Variants in MAMSTR observed in about 807,000 individuals in gnomAD.
MAMSTR encodes the protein MEF2-activating motif and SAP domain-containing transcriptional regulator.
Under a neutral mutation model 42.7 loss-of-function variants are expected in MAMSTR, and 41 were observed. The ratio of observed to expected loss-of-function variants is 0.96; its 90% CI spans 0.75 to 1.25. The LOEUF is 1.25. MAMSTR is among the 50% of genes most tolerant of loss of function. MAMSTR has a pLI of 0.00. For missense variants in MAMSTR, 567 were observed against 557.6 expected (o/e 1.02, Z -0.17); for synonymous variants, 265 against 244.1 (o/e 1.09, Z -0.80).
chr19:48,714,200 CT>C, intron 7 of MAMSTR, among the ~76,000 whole-genome samples, 155 bp from the exon 8 acceptor site: 1 of 152,194 alleles, frequency 6.6e-6, no homozygotes, highest in Middle Eastern at 3.2e-3. Flanking sequence ...GGCTCCTCTT[CT>C]CTAAAGATCC....
downstream of MAMSTR, among the ~76,000 whole-genome samples, chr19:48,710,795 G>A (rs113183694): frequency 6.6e-6 from 1 of 151,478 alleles, no homozygotes; most frequent in Non-Finnish European, 1.5e-5. Flanking sequence ...CACCATATTG[G>A]TCAGGCTAGT....
chr19:48,713,190 TG>T lies in MAMSTR; in HGVS notation c.*76del. 1 of 1,380,348 alleles carries T rather than the reference TG, an allele frequency of 7.2e-7. No homozygotes were observed. The highest frequency in any genetic ancestry group is 9.7e-7 in the Non-Finnish European group (1 of 1,028,466). 85.5% of individuals were successfully genotyped at this position (1,380,348 alleles called of 1,614,324 possible). ...GTGTCTGCGGTAGGAGGGGCTCTGC[TG>T]GTAGTTCCCTCTCCTCCCACAAGGA... On this transcript the variant is annotated 3_prime_UTR_variant, in exon 10 of 10. Coordinates refer to ENST00000318083, the MANE Select transcript of MAMSTR (RefSeq NM_001130915.2).
downstream of MAMSTR, among the ~76,000 whole-genome samples, chr19:48,710,573 C>T (rs555531792): frequency 6.6e-6 from 1 of 151,060 alleles, no homozygotes; most frequent in Admixed American, 6.7e-5. Context: ...AGGTATGAAC[C>T]ACGGTGTTTG....
At position 48,714,026 on chromosome 19, in the gene MAMSTR, G is replaced by A; in HGVS notation, c.743C>T (p.Ser248Phe). The A allele has an allele frequency of 4.4e-6, 7 of 1,600,286 alleles. No homozygotes were observed. Among genetic ancestry groups the A allele is most frequent in the Non-Finnish European group, 6.0e-6 (7 of 1,173,834 alleles). The change falls in exon 8 of 10, where the codon TCT (serine) becomes TTT (phenylalanine). Residue 248 changes from serine to phenylalanine, a missense_variant. Transcript: ENST00000318083. ...GGCACGTGGAAGAGGTGGCCTGTGA[G>A]ATGCTGCGCTGGGCTTGACCTAGAG... ...RQGSVKPSAA[S>F]HRPPLPRAAD...
At chr19:48,714,293 T>C in intron 7 of MAMSTR, 73 bp downstream of exon 7, 2 of 1,266,480 alleles carry the variant, frequency 1.6e-6, no homozygotes, top group Non-Finnish European at 2.0e-6. Context: ...CATTGGCTAG[T>C]TTTTTCGACA....
chr19:48,717,113 A>C (rs12611143), intron 2 of MAMSTR: 25,467 of 287,368 alleles, frequency 0.089, 1,975 homozygotes, highest in East Asian at 0.55. Context: ...TTATCCATGC[A>C]CTCCTGCTAC....
chr19:48,715,543 A>C (rs564692306), intron 4 of MAMSTR, 82 bp downstream of exon 4: 2 of 1,480,580 alleles, frequency 1.4e-6, no homozygotes, highest in East Asian at 2.5e-5. Flanking sequence ...GGTGCCACCG[A>C]AGAGGAGCAA....
chr19:48,714,717 G>T, intron 6 of MAMSTR, 89 bp downstream of exon 6: 1 of 1,316,264 alleles, frequency 7.6e-7, no homozygotes, highest in Non-Finnish European at 1.1e-6. Context: ...CGATCTCCTG[G>T]ATTTCCAGAG....
rs1387230928 is a variant in MAMSTR, at chr19:48,718,971, C to A, written c.58+3G>T. On this transcript the variant is annotated splice_donor_region_variant and intron_variant, in intron 2 of 9. Coordinates refer to ENST00000318083, the MANE Select transcript of MAMSTR (RefSeq NM_001130915.2). ...CCCACGCATAAAGAGAGCCCTCTCT[C>A]ACCAGATCGGAACTTGGAGCGAATG... The A allele has an allele frequency of 6.5e-7, 1 of 1,544,520 alleles. No homozygotes were observed. The highest frequency in any genetic ancestry group is 2.5e-5 in the East Asian group (1 of 40,690).
chr19:48,711,691 G>A (rs960251575), downstream of MAMSTR, among the ~76,000 whole-genome samples: 1 of 147,470 alleles, frequency 6.8e-6, no homozygotes, highest in African/African-American at 2.5e-5. Context: ...TCCTGCCTCG[G>A]TCTCTCACGT....
downstream of MAMSTR, among the ~76,000 whole-genome samples, chr19:48,711,750 T>TTTTTTATTATTTTTTTATTTTTTTA (rs2032730494): frequency 5.0e-5 from 7 of 139,642 alleles, 2 homozygotes; most frequent in African/African-American, 2.8e-5. Context: ...TTTTTTTTTT[T>TTTTTTATTATTTTTTTATTTTTTTA]TTTTTTTTTT....
Position 48,713,168 on chromosome 19 carries a change from T to A in MAMSTR, c.*99A>T. 1 of 1,193,952 alleles carries A rather than the reference T, an allele frequency of 8.4e-7. No homozygotes were observed. The highest frequency in any genetic ancestry group is 1.1e-6 in the Non-Finnish European group (1 of 876,908). 74.0% of individuals were successfully genotyped at this position (1,193,952 alleles called of 1,614,324 possible). The stretch of plus-strand genomic sequence containing the variant: ...GTTGGAGGTTGTCTCCGATCCTGTG[T>A]CTGCGGTAGGAGGGGCTCTGCTGGT... On this transcript the variant is annotated 3_prime_UTR_variant, in exon 10 of 10. Transcript: ENST00000318083.
At position 48,713,138 on chromosome 19, in the gene MAMSTR, G is replaced by T; in HGVS notation, c.*129C>A. 2.3e-6 allele frequency: 2 copies of T among 855,786 alleles called. No individual in the cohort carries two copies. Among genetic ancestry groups the T allele is most frequent in the Admixed American group, 3.3e-5 (1 of 30,026 alleles). 53.0% of individuals were successfully genotyped at this position (855,786 alleles called of 1,614,324 possible). Reference sequence around the variant, plus strand: ...ATGTCAGCAGCACTTCAGGAGGCAGGTGGGGTTGGAGGTTGTCTCCGATCC... The same window carrying T: ...ATGTCAGCAGCACTTCAGGAGGCAGTTGGGGTTGGAGGTTGTCTCCGATCC... On this transcript the variant is annotated 3_prime_UTR_variant, in exon 10 of 10. Coordinates refer to ENST00000318083, the MANE Select transcript of MAMSTR (RefSeq NM_001130915.2).
Position 48,718,967 on chromosome 19 carries a change from CTCTCACCAGA to C in MAMSTR, c.55_58+6del. On this transcript the variant is annotated splice_donor_variant and splice_donor_5th_base_variant and coding_sequence_variant and intron_variant, in exon 2 of 10. Transcript: ENST00000318083. LOFTEE classifies it high-confidence loss of function. ...ATCCCCCACGCATAAAGAGAGCCCT[CTCTCACCAGA>C]TCGGAACTTGGAGCGAATGATTTGG... The C allele has an allele frequency of 6.5e-7, 1 of 1,548,882 alleles. No homozygotes were observed. The highest frequency in any genetic ancestry group is 8.7e-7 in the Non-Finnish European group (1 of 1,145,184).
chr19:48,715,222 G>T, intron 5 of MAMSTR, 40 bp downstream of exon 5: 1 of 1,536,548 alleles, frequency 6.5e-7, no homozygotes, highest in South Asian at 1.2e-5. Context: ...GCTGGGACCT[G>T]AATTTCTGGG....
Position 48,713,707 on chromosome 19 carries a change from G to T in MAMSTR, c.964+9C>A. The T allele has an allele frequency of 6.2e-7, 1 of 1,614,136 alleles. No homozygotes were observed. The highest frequency in any genetic ancestry group is 8.5e-7 in the Non-Finnish European group (1 of 1,180,004). On this transcript the variant is annotated intron_variant, in intron 9 of 9. Transcript: ENST00000318083. ...CCACCTCCCCTAAATCTAGCAGTTT[G>T]GATCCTACCATCAGGCTCCACCTGA... is the stretch of plus-strand genomic sequence containing the variant.
intron 2 of MAMSTR, chr19:48,717,000 G>T (rs2033068350): frequency 8.8e-7 from 1 of 1,134,564 alleles, no homozygotes; most frequent in Non-Finnish European, 1.1e-6. Flanking sequence ...AGGCAGCCCT[G>T]CCCCCGGCTC....
Position 48,714,858 on chromosome 19 carries a change from G to A in MAMSTR, c.476C>T (p.Ser159Leu), listed in dbSNP as rs373939742. 14 of 1,612,490 alleles carry A rather than the reference G, an allele frequency of 8.7e-6. No individual in the cohort carries two copies. The highest frequency in any genetic ancestry group is 1.3e-5 in the African/African-American group (1 of 74,766). The change falls in exon 6 of 10, where the codon TCG becomes TTG. Residue 159 changes from serine (S) to leucine (L), a missense_variant. Physicochemically the swap from Ser to Leu is moderately radical, Grantham distance 145. Transcript: ENST00000318083. ...TPCPPGVPSP[S>L]PPPHKLELQT... ...AAGTTCCAACTTGTGTGGGGGGGGC[G>A]AGGGGCTAGGGACTCCTGGTGGGCA...
intron 2 of MAMSTR, among the ~76,000 whole-genome samples, chr19:48,717,700 A>AATT (rs1324905606): frequency 1.3e-5 from 2 of 148,678 alleles, no homozygotes; most frequent in East Asian, 2.0e-4. Context: ...ACACCCGGCT[A>AATT]ATTATTATTA....
Sources: gnomAD v4.1 joint callset for allele counts (sites outside exome capture counted in the v4.1 genomes callset) on GRCh38, gnomAD v4.1.1 for gene constraint, MANE v1.5 for transcripts, NCBI Gene and HGNC (gene_info 2026-07-23, HGNC 2026-07-21) for gene names.